SPATA45: variants seen among roughly 807,000 people sequenced by gnomAD.
The protein encoded by SPATA45 is spermatogenesis associated 45, also known as spermatogenesis-associated protein 45.
In SPATA45, 5 loss-of-function variants were observed where a neutral mutation model predicts 7.0. The observed-to-expected ratio is 0.71, with a 90% CI of 0.37 to 1.50. The LOEUF is 1.50. Among genes scored for constraint, SPATA45 ranks in the 40% most tolerant of loss-of-function variants. The pLI is 0.03. For missense variants in SPATA45, 111 were observed against 114.9 expected (o/e 0.97, Z 0.16); for synonymous variants, 40 against 38.7 (o/e 1.03, Z -0.13).
intron 2 of SPATA45, among the ~76,000 whole-genome samples, chr1:212,832,924 C>T (rs1178037990): frequency 6.6e-6 from 1 of 151,492 alleles, no homozygotes; most frequent in Non-Finnish European, 1.5e-5. Flanking sequence ...TAATTTGTGC[C>T]AGACACTGTT....
chr1:212,840,742 C>T (rs1015643056), intron 1 of SPATA45, among the ~76,000 whole-genome samples: 3 of 151,836 alleles, frequency 2.0e-5, no homozygotes, highest in Admixed American at 6.6e-5. Context: ...CTCAGCCTCT[C>T]GAGTAGGTGG....
chr1:212,832,067 G>A (rs1400807336), intron 2 of SPATA45, among the ~76,000 whole-genome samples: 3 of 39,934 alleles, frequency 7.5e-5, no homozygotes, highest in African/African-American at 1.8e-4. Context: ...TGCCCAGGCT[G>A]TAGTGCAGTG....
intron 1 of SPATA45, among the ~76,000 whole-genome samples, chr1:212,846,194 C>G (rs1663790412): frequency 6.6e-6 from 1 of 152,104 alleles, no homozygotes; most frequent in Non-Finnish European, 1.5e-5. Flanking sequence ...AATATCACCC[C>G]TTACCCCAAA....
At chr1:212,845,032 T>C (rs780630343) in intron 1 of SPATA45, among the ~76,000 whole-genome samples, 2 of 152,120 alleles carry the variant, frequency 1.3e-5, no homozygotes, top group Non-Finnish European at 2.9e-5. Flanking sequence ...CTTCCACCTA[T>C]CAATCTCTTC....
intron 1 of SPATA45, among the ~76,000 whole-genome samples, chr1:212,845,803 T>C (rs1489101327): frequency 2.6e-5 from 4 of 152,186 alleles, no homozygotes; most frequent in African/African-American, 9.6e-5. Context: ...TAACAAACAA[T>C]TGCTGGCTTT....
chr1:212,841,360 C>T lies in SPATA45; in HGVS notation c.-38-5173G>A, dbSNP rs1185183188. 5.9e-5 allele frequency among the ~76,000 whole-genome samples: 9 copies of T among 152,132 alleles called. No homozygotes were observed. The Middle Eastern group carries it at 0.014, about 232-fold the overall frequency. Reference sequence around the variant, plus strand: ...TGTATTTTTGGTAGAGACAGGGTTTCAACATGTTGCCCAGGCTGGGCTGAA... The same window carrying T: ...TGTATTTTTGGTAGAGACAGGGTTTTAACATGTTGCCCAGGCTGGGCTGAA... On this transcript the variant is annotated intron_variant, in intron 1 of 2. Coordinates refer to ENST00000332912, the MANE Select transcript of SPATA45 (RefSeq NM_001024601.3).
chr1:212,842,303 G>A (rs1470967614), intron 1 of SPATA45, among the ~76,000 whole-genome samples: 1 of 151,378 alleles, frequency 6.6e-6, no homozygotes, highest in Non-Finnish European at 1.5e-5. Context: ...GCTTGAACCT[G>A]GGAGGCAGAG....
chr1:212,844,831 A>G (rs1054681125), intron 1 of SPATA45, among the ~76,000 whole-genome samples: 13 of 152,192 alleles, frequency 8.5e-5, no homozygotes, highest in African/African-American at 2.9e-4. Flanking sequence ...ACTCTTCTCA[A>G]GGCCACTTTA....
chr1:212,846,362 T>C (rs72743935), intron 1 of SPATA45, among the ~76,000 whole-genome samples: 14,920 of 152,112 alleles, frequency 0.098, 809 homozygotes, highest in Middle Eastern at 0.16. Context: ...TTTTTCTTAT[T>C]ATAATATAAG....
intron 1 of SPATA45, among the ~76,000 whole-genome samples, chr1:212,841,753 G>A (rs1275343755): frequency 6.7e-6 from 1 of 150,258 alleles, no homozygotes; most frequent in East Asian, 2.0e-4. Flanking sequence ...TTTGTCAAGT[G>A]CCTATTTTTG....
At chr1:212,841,763 G>C (rs971222178) in intron 1 of SPATA45, among the ~76,000 whole-genome samples, 6 of 149,192 alleles carry the variant, frequency 4.0e-5, no homozygotes, top group Non-Finnish European at 8.9e-5. Flanking sequence ...GCCTATTTTT[G>C]TTTGTTAGTT....
intron 1 of SPATA45, among the ~76,000 whole-genome samples, chr1:212,841,834 T>A (rs1663691638): frequency 6.6e-6 from 1 of 152,078 alleles, no homozygotes; most frequent in Non-Finnish European, 1.5e-5. Context: ...CTTGGCTCAC[T>A]ACAGCCTCTG....
intron 1 of SPATA45, among the ~76,000 whole-genome samples, chr1:212,845,210 A>G (rs1261443948): frequency 3.9e-5 from 6 of 152,174 alleles, no homozygotes; most frequent in African/African-American, 1.4e-4. Context: ...TATCCTCAAG[A>G]AAATCACTTC....
chr1:212,833,853 T>C lies in SPATA45; in HGVS notation c.277+2020A>G, dbSNP rs942185623. Among the ~76,000 whole-genome samples the C allele has an allele frequency of 3.0e-4, 45 of 152,016 alleles. 1 individual carries two copies. Among genetic ancestry groups the C allele is most frequent in the African/African-American group, 1.0e-3 (43 of 41,558 alleles). On this transcript the variant is annotated intron_variant, in intron 2 of 2. Coordinates refer to ENST00000332912, the MANE Select transcript of SPATA45 (RefSeq NM_001024601.3). ...AGGGTTTTTCCTTTGCATTGATAAT[T>C]TGGATAAATGACTGGCACAAGAGGC... is the stretch of plus-strand genomic sequence containing the variant.
chr1:212,847,295 T>C (rs1048616070), intron 1 of SPATA45, among the ~76,000 whole-genome samples: 2 of 152,212 alleles, frequency 1.3e-5, no homozygotes, highest in East Asian at 1.9e-4. Flanking sequence ...GTTATACATA[T>C]AGCAAATAGC....
chr1:212,834,694 G>A (rs1285776970), intron 2 of SPATA45, among the ~76,000 whole-genome samples: 5 of 151,650 alleles, frequency 3.3e-5, no homozygotes, highest in East Asian at 1.9e-4. Context: ...CAGGTGATCC[G>A]CCTGCCTTGG....
rs767989479 is a variant in SPATA45 at position 212,830,270 on chromosome 1, A to C, written c.278-9T>G. ...TCCAAATATGGCATTATCTGAAAAA[A>C]TAAAAAATAAAAAGTATTTGTTATA... On this transcript the variant is annotated splice_polypyrimidine_tract_variant and intron_variant, in intron 2 of 2. Transcript: ENST00000332912. 84 of 1,464,792 alleles carry C rather than the reference A, an allele frequency of 5.7e-5. 1 individual carries two copies. The highest frequency in any genetic ancestry group is 7.3e-5 in the Non-Finnish European group (77 of 1,060,262). 90.7% of individuals were successfully genotyped at this position (1,464,792 alleles called of 1,614,324 possible).
In SPATA45 at chr1:212,830,199, G is replaced by C; in HGVS notation, c.*43C>G. 2.1e-6 allele frequency: 3 copies of C among 1,405,004 alleles called. No individual in the cohort carries two copies. The highest frequency in any genetic ancestry group is 3.8e-5 in the Admixed American group (2 of 52,326). 87.0% of individuals were successfully genotyped at this position (1,405,004 alleles called of 1,614,324 possible). A position where few individuals can be genotyped will look rare whatever the true frequency, so the allele number is the denominator to read the frequency against. ...TAAATAATTTAGACACACTGAAGAA[G>C]AATCAAAGAGAATGTATTTCCGTGT... is the stretch of plus-strand genomic sequence containing the variant. On this transcript the variant is annotated 3_prime_UTR_variant, in exon 3 of 3. Coordinates refer to ENST00000332912, the MANE Select transcript of SPATA45 (RefSeq NM_001024601.3).
intron 1 of SPATA45, among the ~76,000 whole-genome samples, chr1:212,839,139 A>G (rs923673310): frequency 9.6e-5 from 14 of 146,498 alleles, no homozygotes; most frequent in African/African-American, 3.0e-4. Flanking sequence ...TTATATATAT[A>G]TATAATATAT....
Sources: gnomAD v4.1 joint callset for allele counts (sites outside exome capture counted in the v4.1 genomes callset) on GRCh38, gnomAD v4.1.1 for gene constraint, MANE v1.5 for transcripts, NCBI Gene and HGNC (gene_info 2026-07-23, HGNC 2026-07-21) for gene names.